AFG2A: variants seen among roughly 807,000 people sequenced by gnomAD.
AFG2A encodes the protein AAA ATPase AFG2A.
the AFG2A span, among the ~76,000 whole-genome samples, chr4:123,022,505 G>C: frequency 0.021 from 3,217 of 150,474 alleles, 61 homozygotes; most frequent in Non-Finnish European, 0.035. Context: ...ACACCAGTTA[G>C]AATGGCAATC....
the AFG2A span, among the ~76,000 whole-genome samples, chr4:123,265,918 A>G: frequency 1.6e-3 from 241 of 152,032 alleles, 4 homozygotes; most frequent in East Asian, 0.042. Context: ...TTTCTCCAAT[A>G]TTTTATATAA....
chr4:123,144,922 T>G, the AFG2A span, among the ~76,000 whole-genome samples: 1 of 152,070 alleles, frequency 6.6e-6, no homozygotes, highest in East Asian at 1.9e-4. Context: ...GCTTTGAAAA[T>G]GTACTGGAAG....
the AFG2A span, among the ~76,000 whole-genome samples, chr4:123,227,308 A>T: frequency 6.6e-6 from 1 of 151,812 alleles, no homozygotes; most frequent in Non-Finnish European, 1.5e-5. Flanking sequence ...ATGTCAGGGT[A>T]TCAATTTTAG....
At chr4:122,947,537 G>A in the AFG2A span, 1 of 1,395,478 alleles carries the variant, frequency 7.2e-7, no homozygotes, top group East Asian at 2.6e-5. Context: ...CTTATCTCCA[G>A]TTTACTTACA....
the AFG2A span, chr4:122,927,884 G>C: frequency 1.5e-6 from 2 of 1,316,896 alleles, no homozygotes; most frequent in Non-Finnish European, 2.1e-6. Flanking sequence ...GAACATTTTG[G>C]ATTTCAGATT....
the AFG2A span, among the ~76,000 whole-genome samples, chr4:123,176,880 T>C: frequency 6.6e-6 from 1 of 152,132 alleles, no homozygotes; most frequent in East Asian, 1.9e-4. Flanking sequence ...ATACCTTCTT[T>C]AAGCTTTTCC....
At chr4:122,938,994 A>C in the AFG2A span, among the ~76,000 whole-genome samples, 34 of 151,988 alleles carry the variant, frequency 2.2e-4, 1 homozygote, top group East Asian at 6.0e-3. Context: ...AGAAAGTGAG[A>C]ATAATGCGAA....
the AFG2A span, among the ~76,000 whole-genome samples, chr4:122,923,889 G>A: frequency 1.4e-4 from 22 of 152,264 alleles, no homozygotes; most frequent in African/African-American, 5.1e-4. Flanking sequence ...GGCTACACAG[G>A]TGCTAAGTGG....
chr4:123,118,539 T>G, the AFG2A span, among the ~76,000 whole-genome samples: 1 of 151,634 alleles, frequency 6.6e-6, no homozygotes, highest in African/African-American at 2.4e-5. Flanking sequence ...ACCATAGTTA[T>G]TCAACCAGTG....
At chr4:122,934,357 A>G in the AFG2A span, 294 of 1,614,212 alleles carry the variant, frequency 1.8e-4, no homozygotes, top group African/African-American at 3.5e-3. Context: ...TTATAAACCA[A>G]TTGATGACAG....
At chr4:123,157,126 CT>C in the AFG2A span, among the ~76,000 whole-genome samples, 1 of 151,972 alleles carries the variant, frequency 6.6e-6, no homozygotes, top group Non-Finnish European at 1.5e-5. Flanking sequence ...AGCAATTCTC[CT>C]GTCTCAGCCT....
At chr4:123,062,143 C>T in the AFG2A span, among the ~76,000 whole-genome samples, 800 of 152,286 alleles carry the variant, frequency 5.3e-3, 7 homozygotes, top group African/African-American at 0.018. Flanking sequence ...TAGTCTTCAT[C>T]AAATTGAACT....
chr4:122,939,939 T>C, the AFG2A span, among the ~76,000 whole-genome samples: 1 of 152,246 alleles, frequency 6.6e-6, no homozygotes, highest in African/African-American at 2.4e-5. Context: ...GTTTCATCCA[T>C]GTCCCTGTAA....
the AFG2A span, among the ~76,000 whole-genome samples, chr4:123,017,414 A>ATTTTTTTTTTTTTTTTTTTTTT: frequency 2.7e-5 from 2 of 74,732 alleles, no homozygotes; most frequent in Admixed American, 1.7e-4. Flanking sequence ...AGCATGGGAA[A>ATTTTTTTTTTTTTTTTTTTTTT]TTTTTTTTTT....
chr4:122,951,524 T>C, the AFG2A span, among the ~76,000 whole-genome samples: 6 of 152,232 alleles, frequency 3.9e-5, no homozygotes, highest in African/African-American at 1.4e-4. Context: ...TTTATTGATA[T>C]ATCGTGCTGT....
chr4:123,129,258 A>T, the AFG2A span, among the ~76,000 whole-genome samples: 28 of 152,224 alleles, frequency 1.8e-4, no homozygotes, highest in Non-Finnish European at 3.7e-4. Context: ...CTTAGGCCAC[A>T]TGGTAAAAAG....
chr4:123,079,726 C>CT, the AFG2A span, among the ~76,000 whole-genome samples: 32 of 124,344 alleles, frequency 2.6e-4, no homozygotes, highest in South Asian at 2.7e-4. Context: ...TTAACTCCAG[C>CT]TTTTTTTTTC....
At chr4:123,050,928 A>G in the AFG2A span, among the ~76,000 whole-genome samples, 1 of 151,924 alleles carries the variant, frequency 6.6e-6, no homozygotes, top group African/African-American at 2.4e-5. Context: ...TTTAGTAGAG[A>G]TGGGGTTTCA....
At chr4:122,982,423 C>A in the AFG2A span, among the ~76,000 whole-genome samples, 1 of 152,060 alleles carries the variant, frequency 6.6e-6, no homozygotes. Context: ...GAGAATATTT[C>A]CATCTATGTT....
Sources: gnomAD v4.1 joint callset for allele counts (sites outside exome capture counted in the v4.1 genomes callset) on GRCh38, gnomAD v4.1.1 for gene constraint, MANE v1.5 for transcripts, NCBI Gene and HGNC (gene_info 2026-07-23, HGNC 2026-07-21) for gene names.